Variants in SLC4A7 observed in about 807,000 individuals in gnomAD.
The protein encoded by SLC4A7 is sodium bicarbonate cotransporter 3.
SLC4A7 carries 51 observed loss-of-function variants against 137.6 expected under a neutral mutation model. That is an observed-to-expected ratio of 0.37 (90% CI 0.30 to 0.47). SLC4A7 has a LOEUF of 0.47. SLC4A7 is among the 20% of genes least tolerant of loss of function. SLC4A7 has a pLI of 1.00. For missense variants in SLC4A7, 1,247 were observed against 1,525.4 expected (o/e 0.82, Z 3.04); for synonymous variants, 542 against 518.6 (o/e 1.05, Z -0.61).
At chr3:27,474,123 T>C (rs2150722527) in intron 1 of SLC4A7, among the ~76,000 whole-genome samples, 1 of 152,298 alleles carries the variant, frequency 6.6e-6, no homozygotes, top group East Asian at 1.9e-4. Flanking sequence ...AGTCTAACAT[T>C]ATCAAAAAGA....
chr3:27,464,646 T>C (rs934057312), intron 1 of SLC4A7, among the ~76,000 whole-genome samples: 12 of 151,590 alleles, frequency 7.9e-5, no homozygotes, highest in African/African-American at 2.7e-4. Flanking sequence ...TGAGCCGAGA[T>C]CGCACCACTG....
At chr3:27,434,959 G>A (rs2056619137) in intron 5 of SLC4A7, among the ~76,000 whole-genome samples, 1 of 152,098 alleles carries the variant, frequency 6.6e-6, no homozygotes, top group Non-Finnish European at 1.5e-5. Context: ...GGTATTATGT[G>A]ATAATTGCAA....
chr3:27,433,849 C>T (rs920948065), intron 6 of SLC4A7, 67 bp downstream of exon 6: 8 of 1,313,506 alleles, frequency 6.1e-6, no homozygotes, highest in East Asian at 2.3e-5. Context: ...AAATGTTAAT[C>T]GTAACATACT....
chr3:27,443,028 TTTTC>T (rs1009018284), intron 3 of SLC4A7, among the ~76,000 whole-genome samples: 5 of 127,126 alleles, frequency 3.9e-5, no homozygotes, highest in Non-Finnish European at 8.4e-5. Flanking sequence ...TTTTTTCTTT[TTTTC>T]TTTTTTTTTT....
At chr3:27,450,003 T>C (rs2057957759) in intron 2 of SLC4A7, among the ~76,000 whole-genome samples, 1 of 152,110 alleles carries the variant, frequency 6.6e-6, no homozygotes, top group Admixed American at 6.6e-5. Flanking sequence ...ACAAAATCAA[T>C]ACTTAGGGAG....
chr3:27,462,727 G>A (rs201658427), intron 1 of SLC4A7: 1 of 134,728 alleles, frequency 7.4e-6, no homozygotes, highest in Non-Finnish European at 1.6e-5. Context: ...AAGCAACTCA[G>A]ACTTGGAGAA....
intron 1 of SLC4A7, chr3:27,457,040 G>T: frequency 3.7e-6 from 2 of 544,952 alleles, no homozygotes; most frequent in Non-Finnish European, 4.7e-6. Flanking sequence ...GTGAGAGTAT[G>T]GTTTATAATT....
intron 1 of SLC4A7, among the ~76,000 whole-genome samples, chr3:27,452,798 G>C (rs2058161865): frequency 1.3e-5 from 2 of 152,034 alleles, no homozygotes; most frequent in Admixed American, 6.6e-5. Context: ...GACCTTCTAG[G>C]GTCAGAGATT....
At chr3:27,395,188 T>A in intron 18 of SLC4A7, 73 bp from the exon 19 acceptor site, 1 of 1,080,854 alleles carries the variant, frequency 9.3e-7, no homozygotes, top group Non-Finnish European at 1.3e-6. Flanking sequence ...AACATAGACT[T>A]GATCTGTTCC....
chr3:27,448,801 T>C lies in SLC4A7; in HGVS notation c.143-4A>G. On this transcript the variant is annotated splice_polypyrimidine_tract_variant and splice_region_variant and intron_variant, in intron 2 of 25. Transcript: ENST00000454389. ...CCAATATATACAGCTCTATGACCTA[T>C]TAAAAGGTTCAGAAACATATTACTA... 2 of 1,570,052 alleles carry C rather than the reference T, an allele frequency of 1.3e-6. No individual in the cohort carries two copies. The highest frequency in any genetic ancestry group is 1.7e-6 in the Non-Finnish European group (2 of 1,159,854).
chr3:27,404,776 A>T, intron 14 of SLC4A7, 54 bp downstream of exon 14: 1 of 1,375,602 alleles, frequency 7.3e-7, no homozygotes, highest in Non-Finnish European at 1.0e-6. Context: ...CTTCTAAGTT[A>T]ATAAACAATT....
chr3:27,427,171 C>T (rs527602520), intron 7 of SLC4A7, among the ~76,000 whole-genome samples: 1 of 152,224 alleles, frequency 6.6e-6, no homozygotes, highest in East Asian at 1.9e-4. Context: ...AAGGATATTG[C>T]TAAACATCCT....
chr3:27,420,550 TAGG>T (rs1242374125), intron 10 of SLC4A7, 147 bp downstream of exon 10: 59 of 425,314 alleles, frequency 1.4e-4, no homozygotes, highest in Middle Eastern at 5.8e-4. Flanking sequence ...CGAAGGCAAA[TAGG>T]AGAAGCAAAT....
In SLC4A7 at chr3:27,484,302, G is replaced by A. The variant is rs1206063893; in HGVS notation, c.-176C>T. ...GCCGGGCGCCGGGCGCGGGAGACGC[G>A]GGGCGTGCGTGTGCGCGCTGCGACT... is the stretch of plus-strand genomic sequence containing the variant. On this transcript the variant is annotated 5_prime_UTR_variant, in exon 1 of 26. Transcript: ENST00000454389. 5.1e-6 allele frequency: 2 copies of A among 395,336 alleles called. No individual in the cohort carries two copies. The highest frequency in any genetic ancestry group is 8.5e-6 in the Non-Finnish European group (2 of 235,850). The allele number at this position is 395,336 out of a possible 1,614,324, so 24.5% of individuals were successfully genotyped here.
chr3:27,475,608 A>G (rs544194363), intron 1 of SLC4A7, among the ~76,000 whole-genome samples: 18 of 152,290 alleles, frequency 1.2e-4, no homozygotes, highest in African/African-American at 4.3e-4. Context: ...TGAAAGGCCA[A>G]ATGAAGGCCA....
At chr3:27,412,343 T>C (rs753978002) in intron 11 of SLC4A7, among the ~76,000 whole-genome samples, 42 of 152,324 alleles carry the variant, frequency 2.8e-4, no homozygotes, top group Non-Finnish European at 5.3e-4. Context: ...CATCAAGAGA[T>C]GCTGGGGCTA....
intron 1 of SLC4A7, among the ~76,000 whole-genome samples, chr3:27,481,901 C>T (rs1040547594): frequency 6.6e-6 from 1 of 152,084 alleles, no homozygotes. Context: ...TCTGTGAGGC[C>T]GAGGTGGGTG....
chr3:27,448,515 A>G (rs1410633770), intron 3 of SLC4A7, 136 bp downstream of exon 3: 7 of 603,322 alleles, frequency 1.2e-5, no homozygotes, highest in East Asian at 9.0e-5. Context: ...ATATTCCCCA[A>G]TACAATACAT....
chr3:27,445,028 A>G (rs191301402), intron 3 of SLC4A7, among the ~76,000 whole-genome samples: 4 of 152,334 alleles, frequency 2.6e-5, no homozygotes, highest in African/African-American at 9.6e-5. Context: ...TAGACTCACT[A>G]CTAAGGCCAG....
Sources: allele counts gnomAD v4.1 joint callset (sites outside exome capture counted in the v4.1 genomes callset), GRCh38; gene constraint gnomAD v4.1.1; transcripts MANE v1.5; gene names NCBI Gene and HGNC (gene_info 2026-07-23, HGNC 2026-07-21).